Variants in RRM2 observed in about 807,000 individuals in gnomAD.
The protein encoded by RRM2 is ribonucleoside-diphosphate reductase subunit M2.
RRM2 carries 6 observed loss-of-function variants against 45.9 expected under a neutral mutation model. The observed-to-expected ratio is 0.13, with a 90% confidence interval of 0.07 to 0.26. The LOEUF (loss-of-function observed/expected upper bound fraction) is 0.26, where lower values mean the gene tolerates loss of function less well. Ranked by LOEUF, RRM2 falls within the 10% of genes least tolerant of loss-of-function variation. The pLI, the probability that RRM2 is intolerant of heterozygous loss-of-function variation, is 1.00. For synonymous variants in RRM2, 177 were observed against 173.0 expected, an observed-to-expected ratio of 1.02 and a Z score of -0.18; for missense variants, 343 against 489.5, an observed-to-expected ratio of 0.70 and a Z score of 2.82.
chr2:10,131,131 T>C lies in RRM2; in HGVS notation c.*1745T>C, dbSNP rs1211106202. The C allele has an allele frequency of 2.0e-5, 3 of 152,206 alleles. No individual in the cohort carries two copies. Among genetic ancestry groups the C allele is most frequent in the African/African-American group, 7.2e-5 (3 of 41,452 alleles). 9.4% of individuals were successfully genotyped at this position (152,206 alleles called of 1,614,324 possible). On this transcript the variant is annotated 3_prime_UTR_variant, in exon 10 of 10. Transcript: ENST00000304567. ...TTTTAAATCTCTGTAATATGATACA[T>C]TTTCCTATCTTTTAAGTTATTGTTA...
chr2:10,174,295 A>G (rs1003185), intron 3 of RRM2, among the ~76,000 whole-genome samples: 87,318 of 152,034 alleles, frequency 0.57, 26,779 homozygotes, highest in Non-Finnish European at 0.69. Context: ...CTAAGACAGC[A>G]GCGCTTGGGG....
chr2:10,201,421 C>G (rs1390358633), intron 3 of RRM2, among the ~76,000 whole-genome samples: 2 of 152,206 alleles, frequency 1.3e-5, no homozygotes, highest in South Asian at 2.1e-4. Context: ...AAAGATCACT[C>G]CAGTCTGTTA....
At chr2:10,142,492 C>G (rs1663105603) in intron 3 of RRM2, 8 of 1,082,648 alleles carry the variant, frequency 7.4e-6, no homozygotes, top group Middle Eastern at 6.7e-4. Context: ...CGCACCCCTG[C>G]CAGGTCGGAA....
chr2:10,199,352 A>G (rs554884624), intron 3 of RRM2: 3 of 152,298 alleles, frequency 2.0e-5, no homozygotes, highest in Non-Finnish European at 2.9e-5. Context: ...TTGTAGCCAG[A>G]AAAATTAGAA....
rs1663740936 is a variant in RRM2 at position 10,169,098 on chromosome 2, A to C, written n.482+26723A>C. 6.6e-6 allele frequency among the ~76,000 whole-genome samples: 1 copy of C among 151,654 alleles called. No homozygotes were observed. Among genetic ancestry groups the C allele is most frequent in the Non-Finnish European group, 1.5e-5 (1 of 67,972 alleles). On this transcript the variant is annotated intron_variant and non_coding_transcript_variant, in intron 3 of 3. Transcript: ENST00000381786. This position sits in a 1 kb window ranked among gnomAD's most constrained non-coding sequence, Gnocchi z 5.1. ...AGCCATCCTTCCACCTCAGCCTTCC[A>C]AGTAGCTGGGACTACAGGCACATGT...
intron 3 of RRM2, among the ~76,000 whole-genome samples, chr2:10,199,799 A>AACAAAAAAAAAC (rs1558406229): frequency 1.1e-4 from 17 of 149,694 alleles, no homozygotes; most frequent in Non-Finnish European, 1.6e-4. Flanking sequence ...AAAAAAAAAA[A>AACAAAAAAAAAC]AAAAAAAAAA....
intron 3 of RRM2, among the ~76,000 whole-genome samples, chr2:10,178,525 C>T (rs951876829): frequency 8.5e-5 from 13 of 152,252 alleles, no homozygotes; most frequent in Middle Eastern, 3.4e-3. Context: ...GCCTGGCCAC[C>T]CCTCCTGTTT....
At chr2:10,210,728 G>C in exon 4 of RRM2, 2 of 726,318 alleles carry the variant, frequency 2.8e-6, no homozygotes, top group Non-Finnish European at 4.0e-6. Flanking sequence ...GTGGAGCACT[G>C]TGGACTGAAT....
At chr2:10,136,475 T>G (rs2125310411), upstream of RRM2, among the ~76,000 whole-genome samples, 1 of 152,254 alleles carries the variant, frequency 6.6e-6, no homozygotes, top group Non-Finnish European at 1.5e-5. Context: ...CTTGACCCCC[T>G]GTTGCCCTTT....
Position 10,172,239 on chromosome 2 carries a change from G to T in RRM2, n.482+29864G>T, listed in dbSNP as rs1663820071. Among the ~76,000 whole-genome samples the T allele has an allele frequency of 6.6e-6, 1 of 152,154 alleles. No homozygotes were observed. The highest frequency in any genetic ancestry group is 2.1e-4 in the South Asian group (1 of 4,820). ...AAGTCATGGGTGCTGAGGCCCACCTGTCTGGCGAGGGTCTGGGGGAGGTCG... is the reference window on the plus strand; with the variant it reads ...AAGTCATGGGTGCTGAGGCCCACCTTTCTGGCGAGGGTCTGGGGGAGGTCG... On this transcript the variant is annotated intron_variant and non_coding_transcript_variant, in intron 3 of 3. Transcript: ENST00000381786. The surrounding 1 kb of genome is among the most constrained non-coding windows in gnomAD (Gnocchi z 4.9).
rs75756333 is a variant in RRM2 at position 10,173,279 on chromosome 2, C to T, written n.482+30904C>T. On this transcript the variant is annotated intron_variant and non_coding_transcript_variant, in intron 3 of 3. Transcript: ENST00000381786. ...ATTATTCTTTCTCTTCTCTCTTTGC[C>T]GTCTTATTTCATCTCTCTCCGTTAT... is the stretch of plus-strand genomic sequence containing the variant. Among the ~76,000 whole-genome samples, 231 of 152,240 alleles carry T rather than the reference C, an allele frequency of 1.5e-3. 3 individuals are homozygous for T. In the East Asian group the frequency reaches 0.022, roughly 14 times the overall value.
rs1285823144 is a variant in RRM2, at chr2:10,172,853, G to GGTGA, written n.482+30478_482+30479insGTGA. Among the ~76,000 whole-genome samples, 5 of 152,216 alleles carry GGTGA rather than the reference G, an allele frequency of 3.3e-5. No individual in the cohort carries two copies. Among genetic ancestry groups the GGTGA allele is most frequent in the African/African-American group, 1.2e-4 (5 of 41,452 alleles). Reference sequence around the variant, plus strand: ...GAGCTCAGGGCCCATCTGAGCAGGGGCCCGGTGTGACCACACGGATCCCAT... The same window carrying GGTGA: ...GAGCTCAGGGCCCATCTGAGCAGGGGGTGACCCGGTGTGACCACACGGATCCCAT... On this transcript the variant is annotated intron_variant and non_coding_transcript_variant, in intron 3 of 3. Coordinates refer to the RRM2 transcript ENST00000381786. The surrounding 1 kb of genome is among the most constrained non-coding windows in gnomAD (Gnocchi z 4.9).
intron 3 of RRM2, among the ~76,000 whole-genome samples, chr2:10,189,579 G>A (rs1357083751): frequency 6.6e-6 from 1 of 152,224 alleles, no homozygotes. Flanking sequence ...TGGTCTGGGG[G>A]AGCTCAGGCC....
At chr2:10,201,503 C>T (rs1664569880) in intron 3 of RRM2, among the ~76,000 whole-genome samples, 1 of 152,224 alleles carries the variant, frequency 6.6e-6, no homozygotes, top group Non-Finnish European at 1.5e-5. Context: ...GAGTCCTGAA[C>T]GTCCTTCCTC....
intron 3 of RRM2, among the ~76,000 whole-genome samples, chr2:10,177,923 T>A (rs975189828): frequency 3.5e-5 from 5 of 143,894 alleles, no homozygotes; most frequent in Non-Finnish European, 7.6e-5. Flanking sequence ...CGCTCAAGCT[T>A]TTTTTTTTTT....
In RRM2 at chr2:10,205,495, G is replaced by A. The variant is rs77750805; in HGVS notation, n.483-4816G>A. Among the ~76,000 whole-genome samples, 426 of 152,226 alleles carry A rather than the reference G, an allele frequency of 2.8e-3. 2 individuals are homozygous for A. The highest frequency in any genetic ancestry group is 4.9e-3 in the Non-Finnish European group (333 of 68,014). On this transcript the variant is annotated intron_variant and non_coding_transcript_variant, in intron 3 of 3. Transcript: ENST00000381786. The surrounding 1 kb of genome is among the most constrained non-coding windows in gnomAD (Gnocchi z 4.8). The stretch of plus-strand genomic sequence containing the variant: ...GCTGCTCGTGGACACTCGGAGGTGG[G>A]GGAAGGCTCTGTTCTTTTACTTTTC...
At chr2:10,131,933 G>A (rs556706912), downstream of RRM2, among the ~76,000 whole-genome samples, 6 of 152,232 alleles carry the variant, frequency 3.9e-5, no homozygotes, top group Admixed American at 1.3e-4. Flanking sequence ...TCTCAACCGT[G>A]GGGGAGCCAC....
intron 3 of RRM2, among the ~76,000 whole-genome samples, chr2:10,150,906 T>G (rs933714782): frequency 6.6e-6 from 1 of 151,534 alleles, no homozygotes; most frequent in Non-Finnish European, 1.5e-5. Context: ...CTCCACCTCC[T>G]GGGTTCAAGC....
chr2:10,176,499 C>T lies in RRM2; in HGVS notation n.483-33812C>T, dbSNP rs546128192. On this transcript the variant is annotated intron_variant and non_coding_transcript_variant, in intron 3 of 3. Coordinates refer to the RRM2 transcript ENST00000381786. ...GTCAGGCTGGTCTCGAACTCCCAAC[C>T]TCAGGTGATCTGCCCGCCTCGGCCT... Among the ~76,000 whole-genome samples the T allele has an allele frequency of 7.2e-5, 11 of 152,304 alleles. No individual in the cohort carries two copies. The East Asian group carries it at 2.1e-3, about 29-fold the overall frequency.
Sources: gnomAD v4.1 joint callset for allele counts (sites outside exome capture counted in the v4.1 genomes callset) on GRCh38, gnomAD v4.1.1 for gene constraint, Gnocchi (gnomAD v3.1) non-coding constraint, MANE v1.5 for transcripts, NCBI Gene and HGNC (gene_info 2026-07-23, HGNC 2026-07-21) for gene names.